SYPL1: variants seen among roughly 807,000 people sequenced by gnomAD.
SYPL1 encodes the protein synaptophysin like 1.
Under a neutral mutation model 23.7 loss-of-function variants are expected in SYPL1, and 6 were observed. That is an observed-to-expected ratio of 0.25 (90% CI 0.14 to 0.50). SYPL1 has a LOEUF of 0.50. Ranked by LOEUF, SYPL1 falls within the 20% of genes least tolerant of loss-of-function variation. The pLI, the probability that SYPL1 is intolerant of heterozygous loss-of-function variation, is 0.98. For missense variants in SYPL1, 253 were observed against 288.9 expected, an observed-to-expected ratio of 0.88 and a Z score of 0.90; for synonymous variants, 102 against 104.5, an observed-to-expected ratio of 0.98 and a Z score of 0.15.
At position 106,109,533 on chromosome 7, in the gene SYPL1, G is replaced by A. The variant is rs1790039186; in HGVS notation, c.69+2607C>T. On this transcript the variant is annotated intron_variant, in intron 1 of 4. Coordinates refer to ENST00000455385, the MANE Select transcript of SYPL1 (RefSeq NM_182715.4). This position sits in a 1 kb window ranked among gnomAD's most constrained non-coding sequence, Gnocchi z 4.3. Reference sequence around the variant, plus strand: ...CCATTCCTTCTCTCCTTTGCAGGCAGATATCTGCTATATCTGCAGCCCAAA... The same window carrying A: ...CCATTCCTTCTCTCCTTTGCAGGCAAATATCTGCTATATCTGCAGCCCAAA... Among the ~76,000 whole-genome samples the A allele has an allele frequency of 3.3e-5, 5 of 152,098 alleles. No individual in the cohort carries two copies. In the South Asian group the frequency reaches 1.0e-3, roughly 31 times the overall value.
rs1585941954 is a variant in SYPL1 at position 106,104,762 on chromosome 7, TAAAC to T, written c.70-5484_70-5481del. ...AGGGACAAAAGCACATATTTTATAT[TAAAC>T]AAAGTACAAAATTATGAGGGCAAAA... On this transcript the variant is annotated intron_variant, in intron 1 of 4. Coordinates refer to ENST00000455385, the MANE Select transcript of SYPL1 (RefSeq NM_182715.4). The surrounding 1 kb of genome is among the most constrained non-coding windows in gnomAD (Gnocchi z 4.1). Among the ~76,000 whole-genome samples the T allele has an allele frequency of 1.3e-5, 2 of 152,222 alleles. No homozygotes were observed. The highest frequency in any genetic ancestry group is 6.5e-5 in the Admixed American group (1 of 15,268).
rs763563492 is a variant in SYPL1, at chr7:106,097,800, G to A, written c.292C>T (p.Gln98Ter). 1 of 1,614,068 alleles carries A rather than the reference G, an allele frequency of 6.2e-7. No individual in the cohort carries two copies. The highest frequency in any genetic ancestry group is 1.7e-5 in the Admixed American group (1 of 60,020). The change falls in exon 3 of 5, where the codon CAA becomes TAA. Residue 98 changes from glutamine to a stop codon, truncating the protein, a stop_gained. Transcript: ENST00000455385. LOFTEE classifies it high-confidence loss of function. This position sits in a 1 kb window ranked among gnomAD's most constrained non-coding sequence, Gnocchi z 4.6. ...VLIGDYSSSA[Q>*]FYVTFAVFVF... The stretch of plus-strand genomic sequence containing the variant: ...AAGACTGCAAAGGTAACATAGAATT[G>A]TGCAGAAGAAGAGTAATCGCCTATG...
rs987504156 is a variant in SYPL1 at position 106,097,045 on chromosome 7, T to G, written c.402+645A>C. On this transcript the variant is annotated intron_variant, in intron 3 of 4. Transcript: ENST00000455385. The surrounding 1 kb of genome is among the most constrained non-coding windows in gnomAD (Gnocchi z 4.6). Reference sequence around the variant, plus strand: ...GCCTGGGCAACATGGTAAAACTTCGTCTTTACAAAAATACACAAAAAGTAA... The same window carrying G: ...GCCTGGGCAACATGGTAAAACTTCGGCTTTACAAAAATACACAAAAAGTAA... Among the ~76,000 whole-genome samples, 2 of 152,134 alleles carry G rather than the reference T, an allele frequency of 1.3e-5. No homozygotes were observed. Among genetic ancestry groups the G allele is most frequent in the Admixed American group, 1.3e-4 (2 of 15,270 alleles).
At position 106,091,493 on chromosome 7, in the gene SYPL1, G is replaced by C; in HGVS notation, c.*312C>G. The C allele has an allele frequency of 4.5e-6, 1 of 221,780 alleles. No individual in the cohort carries two copies. Among genetic ancestry groups the C allele is most frequent in the Non-Finnish European group, 8.9e-6 (1 of 111,904 alleles). The allele number at this position is 221,780 out of a possible 1,614,324, so 13.7% of individuals were successfully genotyped here. A position where few individuals can be genotyped will look rare whatever the true frequency, so the allele number is the denominator to read the frequency against. On this transcript the variant is annotated 3_prime_UTR_variant, in exon 5 of 5. Transcript: ENST00000455385. This position sits in a 1 kb window ranked among gnomAD's most constrained non-coding sequence, Gnocchi z 5.0. Reference sequence around the variant, plus strand: ...ACAATATAACTGTTTTCTGAATGAAGATACATGTTAAGGCTTAAGGTGTAA... The same window carrying C: ...ACAATATAACTGTTTTCTGAATGAACATACATGTTAAGGCTTAAGGTGTAA...
intron 1 of SYPL1, among the ~76,000 whole-genome samples, chr7:106,099,503 C>T (rs1840203576): frequency 6.6e-6 from 1 of 152,052 alleles, no homozygotes. Flanking sequence ...GTGATCCTCC[C>T]ACCTCAGTCC....
intron 1 of SYPL1, among the ~76,000 whole-genome samples, chr7:106,102,599 C>G (rs1438235909): frequency 6.6e-6 from 1 of 152,084 alleles, no homozygotes; most frequent in Non-Finnish European, 1.5e-5. Context: ...AAGCTGGAGG[C>G]CTTGAGATAA....
chr7:106,112,173 C>T lies in SYPL1; in HGVS notation c.36G>A (p.Lys12=). The change falls in exon 1 of 5, where the codon AAG becomes AAA. Residue 12 remains lysine (K), a synonymous_variant. Coordinates refer to ENST00000455385, the MANE Select transcript of SYPL1 (RefSeq NM_182715.4). ...SGFQINLNPL[K]EPLGFIKVLE... ...GGACCTTGATGAAGCCGAGTGGCTC[C>T]TTGAGCGGGTTGAGGTTGATCTGGA... 10 of 1,545,148 alleles carry T rather than the reference C, an allele frequency of 6.5e-6. No homozygotes were observed. Among genetic ancestry groups the T allele is most frequent in the Non-Finnish European group, 7.9e-6 (9 of 1,138,314 alleles).
chr7:106,112,101 G>T (rs754930367), intron 1 of SYPL1, 39 bp downstream of exon 1: 1 of 1,398,644 alleles, frequency 7.1e-7, no homozygotes, highest in South Asian at 1.6e-5. Flanking sequence ...GCGCCGCGCC[G>T]AGCGGCAGGC....
rs139579369 is a variant in SYPL1, at chr7:106,095,171, CTA to C, written c.403-2036_403-2035del. Among the ~76,000 whole-genome samples the C allele has an allele frequency of 3.0e-4, 46 of 152,118 alleles. No homozygotes were observed. In the East Asian group the frequency reaches 8.3e-3, roughly 27 times the overall value. ...CTGCTACTTAACAAAAAAAAAAGTGCTATATTTACTTCAAAAGAGAATTGAAG... is the reference window on the plus strand; with the variant it reads ...CTGCTACTTAACAAAAAAAAAAGTGCTATTTACTTCAAAAGAGAATTGAAG... On this transcript the variant is annotated intron_variant, in intron 3 of 4. Coordinates refer to ENST00000455385, the MANE Select transcript of SYPL1 (RefSeq NM_182715.4). This position sits in a 1 kb window ranked among gnomAD's most constrained non-coding sequence, Gnocchi z 4.3.
In SYPL1 at chr7:106,097,219, A is replaced by C. The variant is rs1840058801; in HGVS notation, c.402+471T>G. ...CCTTGTCTCAAAAAGTAAATATATA[A>C]ATAAAGAAGTAAAAATAAAAAATAA... On this transcript the variant is annotated intron_variant, in intron 3 of 4. Coordinates refer to ENST00000455385, the MANE Select transcript of SYPL1 (RefSeq NM_182715.4). The surrounding 1 kb of genome is among the most constrained non-coding windows in gnomAD (Gnocchi z 4.6). Among the ~76,000 whole-genome samples, 1 of 152,180 alleles carries C rather than the reference A, an allele frequency of 6.6e-6. No homozygotes were observed. Among genetic ancestry groups the C allele is most frequent in the South Asian group, 2.1e-4 (1 of 4,836 alleles).
chr7:106,092,549 T>G (rs1422272767), intron 4 of SYPL1: 3 of 314,836 alleles, frequency 9.5e-6, no homozygotes, highest in Non-Finnish European at 1.8e-5. Context: ...GGCACATGCC[T>G]GTAATCCCAG....
upstream of SYPL1, chr7:106,112,545 C>T: frequency 2.0e-6 from 3 of 1,505,110 alleles, no homozygotes; most frequent in Non-Finnish European, 8.9e-7. Context: ...GTGCGCCGCG[C>T]CCCCTTCCCT....
intron 1 of SYPL1, 130 bp from the exon 2 acceptor site, chr7:106,099,412 T>C: frequency 2.6e-6 from 3 of 1,163,808 alleles, no homozygotes; most frequent in Non-Finnish European, 3.5e-6. Flanking sequence ...AATTCTTTTT[T>C]TGAGACAGGG....
chr7:106,093,262 A>G (rs1839850576), intron 3 of SYPL1, 125 bp from the exon 4 acceptor site: 2 of 892,470 alleles, frequency 2.2e-6, no homozygotes, highest in African/African-American at 3.4e-5. Context: ...TTCATGATAT[A>G]CTTTATTAAA....
rs1439615397 is a variant in SYPL1, at chr7:106,095,347, A to G, written c.403-2210T>C. 6.6e-6 allele frequency among the ~76,000 whole-genome samples: 1 copy of G among 150,446 alleles called. No individual in the cohort carries two copies. Among genetic ancestry groups the G allele is most frequent in the Non-Finnish European group, 1.5e-5 (1 of 67,744 alleles). ...TTAAATTTTGGGTATCTCAAAAAAAACCTTTTTTTTTTTTTCCCCTGAGAT... is the reference window on the plus strand; with the variant it reads ...TTAAATTTTGGGTATCTCAAAAAAAGCCTTTTTTTTTTTTTCCCCTGAGAT... On this transcript the variant is annotated intron_variant, in intron 3 of 4. Transcript: ENST00000455385. This position sits in a 1 kb window ranked among gnomAD's most constrained non-coding sequence, Gnocchi z 4.3.
chr7:106,098,410 G>C (rs1375650220), intron 2 of SYPL1, among the ~76,000 whole-genome samples: 1 of 152,154 alleles, frequency 6.6e-6, no homozygotes, highest in African/African-American at 2.4e-5. Flanking sequence ...TAGGAGAAAG[G>C]ATACAAGATA....
intron 1 of SYPL1, among the ~76,000 whole-genome samples, chr7:106,105,508 G>C (rs1840545598): frequency 6.8e-6 from 1 of 147,484 alleles, no homozygotes; most frequent in Non-Finnish European, 1.5e-5. Flanking sequence ...CTGCCCACCA[G>C]ACCCATACTA....
chr7:106,099,048 A>C (rs1840172527), intron 2 of SYPL1, 110 bp downstream of exon 2: 2 of 1,353,886 alleles, frequency 1.5e-6, no homozygotes, highest in South Asian at 2.8e-5. Context: ...ACAAATGAGC[A>C]TACAGTCTAA....
In SYPL1 at chr7:106,091,708, G is replaced by C; in HGVS notation, c.*97C>G. On this transcript the variant is annotated 3_prime_UTR_variant, in exon 5 of 5. Coordinates refer to ENST00000455385, the MANE Select transcript of SYPL1 (RefSeq NM_182715.4). The surrounding 1 kb of genome is among the most constrained non-coding windows in gnomAD (Gnocchi z 5.0). ...TTAAACCCACCAATATATTGACAAA[G>C]CCATTACTTTTATTAGAAACAAATA... 7.5e-7 allele frequency: 1 copy of C among 1,333,638 alleles called. No individual in the cohort carries two copies. Among genetic ancestry groups the C allele is most frequent in the Non-Finnish European group, 1.0e-6 (1 of 1,000,468 alleles). The allele number at this position is 1,333,638 out of a possible 1,614,324, so 82.6% of individuals were successfully genotyped here.
Sources: gnomAD v4.1 joint callset for allele counts (sites outside exome capture counted in the v4.1 genomes callset) on GRCh38, gnomAD v4.1.1 for gene constraint, Gnocchi (gnomAD v3.1) non-coding constraint, MANE v1.5 for transcripts, NCBI Gene and HGNC (gene_info 2026-07-23, HGNC 2026-07-21) for gene names.